FGF13: variants seen among roughly 807,000 people sequenced by gnomAD.
The protein encoded by FGF13 is fibroblast growth factor homologous factor 2.
A neutral mutation model predicts 19.5 loss-of-function variants in FGF13; 2 were observed. The ratio of observed to expected loss-of-function variants is 0.10; its 90% CI spans 0.04 to 0.32. FGF13 has a LOEUF of 0.32. Among genes scored for constraint, FGF13 ranks in the 10% least tolerant of loss-of-function variants. The pLI is 1.00. For synonymous variants in FGF13, 72 were observed against 76.9 expected, an observed-to-expected ratio of 0.94 and a Z score of 0.33; for missense variants, 113 against 192.7, an observed-to-expected ratio of 0.59 and a Z score of 2.45.
intron 1 of FGF13, among the ~76,000 whole-genome samples, chrX:139,185,966 T>G (rs764661609): frequency 9.0e-6 from 1 of 111,671 alleles, no homozygotes; most frequent in African/African-American, 3.3e-5. Context: ...ACACAATCTA[T>G]GGTTTGATTT....
chrX:138,857,725 A>G (rs759313364), intron 2 of FGF13: 2 of 1,022,871 alleles, frequency 2.0e-6, no homozygotes, highest in Admixed American at 6.9e-5. Context: ...GAGCCTCAGA[A>G]AAGCAGCGAA....
chrX:138,897,096 G>A (rs1351487586), intron 1 of FGF13, among the ~76,000 whole-genome samples: 2 of 111,381 alleles, frequency 1.8e-5, no homozygotes, highest in African/African-American at 6.5e-5. Flanking sequence ...TGCAACCTCC[G>A]CCTCCCAGGC....
At chrX:138,801,655 C>T (rs901592843) in intron 3 of FGF13, among the ~76,000 whole-genome samples, 4 of 111,872 alleles carry the variant, frequency 3.6e-5, no homozygotes, top group African/African-American at 1.3e-4. Flanking sequence ...CAGGCAGGAA[C>T]GTTTAAGTTT....
chrX:139,156,192 A>G (rs778550583), intron 1 of FGF13, among the ~76,000 whole-genome samples: 1 of 112,103 alleles, frequency 8.9e-6, no homozygotes, highest in East Asian at 2.8e-4. Context: ...AAAATAAATC[A>G]CCCAAAACTT....
intron 1 of FGF13, among the ~76,000 whole-genome samples, chrX:138,987,023 T>A (rs2091997197): frequency 8.9e-6 from 1 of 111,970 alleles, no homozygotes; most frequent in African/African-American, 3.2e-5. Flanking sequence ...AAGACTGACA[T>A]AGCTTTGTAA....
chrX:138,946,834 T>C (rs2091783978), intron 1 of FGF13, among the ~76,000 whole-genome samples: 1 of 112,229 alleles, frequency 8.9e-6, no homozygotes, highest in African/African-American at 3.2e-5. Flanking sequence ...GTCACAATCA[T>C]AGAAAATGTT....
intron 1 of FGF13, among the ~76,000 whole-genome samples, chrX:139,059,873 G>A (rs755151610): frequency 1.8e-5 from 2 of 111,629 alleles, no homozygotes; most frequent in African/African-American, 6.5e-5. Context: ...ACACATGCCA[G>A]GATTTCTCCA....
At chrX:138,801,398 G>T (rs951982539) in intron 3 of FGF13, among the ~76,000 whole-genome samples, 1 of 111,991 alleles carries the variant, frequency 8.9e-6, no homozygotes, top group Non-Finnish European at 1.9e-5. Flanking sequence ...GTTTGCCTGG[G>T]TATCACCAGT....
chrX:138,953,875 C>G (rs1456711365), intron 1 of FGF13, among the ~76,000 whole-genome samples: 1 of 109,843 alleles, frequency 9.1e-6, no homozygotes, highest in African/African-American at 3.3e-5. Context: ...ACAAAACTAA[C>G]CAACATGTGG....
intron 1 of FGF13, among the ~76,000 whole-genome samples, chrX:138,955,970 G>A (rs1038811763): frequency 5.4e-5 from 6 of 111,800 alleles, no homozygotes; most frequent in African/African-American, 9.8e-5. Context: ...GGCTTGGCTC[G>A]CCCATAGTCA....
At chrX:138,809,695 C>A (rs766254415) in intron 3 of FGF13, among the ~76,000 whole-genome samples, 111 of 111,714 alleles carry the variant, frequency 9.9e-4, no homozygotes, top group African/African-American at 3.5e-3. Flanking sequence ...ATTTAGAAAA[C>A]CCCATCTCAG....
chrX:138,649,548 C>G (rs12689625), intron 3 of FGF13, among the ~76,000 whole-genome samples: 1 of 112,032 alleles, frequency 8.9e-6, no homozygotes, highest in African/African-American at 3.2e-5. Flanking sequence ...CACTCCACAT[C>G]TGATTCTTCC....
At chrX:139,153,071 T>C (rs754065642) in intron 1 of FGF13, among the ~76,000 whole-genome samples, 113 of 111,307 alleles carry the variant, frequency 1.0e-3, no homozygotes, top group Non-Finnish European at 1.7e-3. Context: ...TCTCTACCCT[T>C]GTGATCAGTG....
intron 2 of FGF13, among the ~76,000 whole-genome samples, chrX:138,862,154 G>C (rs1238367817): frequency 8.9e-6 from 1 of 112,004 alleles, no homozygotes; most frequent in Non-Finnish European, 1.9e-5. Flanking sequence ...AAAGCAACCA[G>C]AGACAGCCTA....
intron 1 of FGF13, among the ~76,000 whole-genome samples, chrX:139,175,368 CTCTT>C (rs1428181895): frequency 1.8e-5 from 2 of 112,314 alleles, no homozygotes; most frequent in Non-Finnish European, 3.8e-5. Context: ...TTGACTTCCT[CTCTT>C]TCTATTTAAA....
chrX:138,808,669 A>T (rs868260747), intron 3 of FGF13, among the ~76,000 whole-genome samples: 4 of 107,233 alleles, frequency 3.7e-5, no homozygotes, highest in Admixed American at 9.7e-5. Flanking sequence ...TTTTGACAAG[A>T]TCAACAAAAT....
chrX:138,846,185 T>TTGTGTGTGTGTG (rs200911113), intron 3 of FGF13, among the ~76,000 whole-genome samples: 392 of 96,636 alleles, frequency 4.1e-3, no homozygotes, highest in Middle Eastern at 0.011. Flanking sequence ...ATGTGTCCAT[T>TTGTGTGTGTGTG]TGTGTGTGTG....
intron 3 of FGF13, among the ~76,000 whole-genome samples, chrX:138,653,856 C>G (rs184408839): frequency 8.9e-6 from 1 of 112,077 alleles, no homozygotes; most frequent in African/African-American, 3.2e-5. Context: ...AATCAACTGT[C>G]TTGGCTTGCT....
chrX:139,181,788 G>T, intron 1 of FGF13, among the ~76,000 whole-genome samples: 1 of 112,275 alleles, frequency 8.9e-6, no homozygotes, highest in Non-Finnish European at 1.9e-5. Flanking sequence ...ATAAAGTGCT[G>T]AGATAACAGT....
Sources: gnomAD v4.1 joint callset for allele counts (sites outside exome capture counted in the v4.1 genomes callset) on GRCh38, gnomAD v4.1.1 for gene constraint, MANE v1.5 for transcripts, NCBI Gene and HGNC (gene_info 2026-07-23, HGNC 2026-07-21) for gene names.